The following LRBA variants were observed in gnomAD, a reference collection of about 807,000 sequenced individuals.
LRBA encodes LPS responsive beige-like anchor protein.
Under a neutral mutation model 330.0 loss-of-function variants are expected in LRBA, and 176 were observed. That is an observed-to-expected ratio of 0.53 (90% CI 0.47 to 0.60). LRBA has a LOEUF of 0.60. LRBA is among the 20% of genes least tolerant of loss of function. LRBA has a pLI of 0.00. For synonymous variants in LRBA, 1,230 were observed against 1,193.0 expected (o/e 1.03, Z -0.64); for missense variants, 3,259 against 3,444.8 (o/e 0.95, Z 1.35).
chr4:150,662,175 C>T (rs546100371), intron 37 of LRBA, among the ~76,000 whole-genome samples: 16 of 152,082 alleles, frequency 1.1e-4, no homozygotes, highest in African/African-American at 3.9e-4. Flanking sequence ...TTCACAGAGG[C>T]TAATATTAAC....
chr4:150,940,222 A>G (rs1472644636), intron 2 of LRBA, among the ~76,000 whole-genome samples: 1 of 142,894 alleles, frequency 7.0e-6, no homozygotes, highest in Non-Finnish European at 1.5e-5. Context: ...TGGGCAACAT[A>G]GCAAGACCTG....
chr4:150,476,399 A>T (rs1263056252), intron 42 of LRBA, among the ~76,000 whole-genome samples: 1 of 152,192 alleles, frequency 6.6e-6, no homozygotes, highest in Admixed American at 6.6e-5. Flanking sequence ...TGGCAGAGAC[A>T]TGGCAGAATG....
intron 49 of LRBA, among the ~76,000 whole-genome samples, chr4:150,322,639 T>C (rs1234544090): frequency 6.6e-6 from 1 of 152,222 alleles, no homozygotes; most frequent in Non-Finnish European, 1.5e-5. Flanking sequence ...TAGAAAAACA[T>C]ATTGCACTAA....
intron 44 of LRBA, among the ~76,000 whole-genome samples, chr4:150,460,386 A>T (rs999472192): frequency 1.3e-5 from 2 of 151,844 alleles, no homozygotes; most frequent in Non-Finnish European, 2.9e-5. Context: ...AAGCACAAAC[A>T]GGAGCAACTC....
At chr4:151,011,631 A>G (rs1416176828) in intron 2 of LRBA, among the ~76,000 whole-genome samples, 1 of 151,740 alleles carries the variant, frequency 6.6e-6, no homozygotes, top group Non-Finnish European at 1.5e-5. Flanking sequence ...CTAACTATCA[A>G]TTAGGAAATA....
intron 36 of LRBA, among the ~76,000 whole-genome samples, chr4:150,733,576 T>TCA (rs34846017): frequency 9.8e-4 from 142 of 145,472 alleles, no homozygotes; most frequent in African/African-American, 3.0e-3. Context: ...TCTCTCTCTC[T>TCA]CACACACACA....
At chr4:150,494,981 C>G (rs1383451857) in intron 40 of LRBA, among the ~76,000 whole-genome samples, 3 of 150,694 alleles carry the variant, frequency 2.0e-5, no homozygotes, top group Non-Finnish European at 1.5e-5. Flanking sequence ...GCCTGGGTGA[C>G]ACAGCGAGAC....
At chr4:150,802,843 C>T (rs1024097778) in intron 33 of LRBA, among the ~76,000 whole-genome samples, 6 of 151,550 alleles carry the variant, frequency 4.0e-5, no homozygotes, top group Admixed American at 6.6e-5. Flanking sequence ...GGCAATGTGG[C>T]GAAACCCCAT....
At chr4:150,916,584 G>T in intron 6 of LRBA, 33 bp downstream of exon 6, 1 of 1,604,398 alleles carries the variant, frequency 6.2e-7, no homozygotes, top group Non-Finnish European at 8.5e-7. Flanking sequence ...TCAAAGTAAG[G>T]TTTTAACACT....
chr4:150,282,960 G>A (rs1159420568), intron 54 of LRBA, among the ~76,000 whole-genome samples: 1 of 152,134 alleles, frequency 6.6e-6, no homozygotes, highest in Non-Finnish European at 1.5e-5. Flanking sequence ...TGAGAAACAG[G>A]ATAAGCTTCA....
At chr4:150,689,307 A>G (rs1380846343) in intron 36 of LRBA, among the ~76,000 whole-genome samples, 1 of 152,008 alleles carries the variant, frequency 6.6e-6, no homozygotes, top group Non-Finnish European at 1.5e-5. Context: ...CGGGGCCTGT[A>G]TGGGGATGGA....
At chr4:150,935,640 A>T (rs1263104900) in intron 2 of LRBA, among the ~76,000 whole-genome samples, 1 of 151,936 alleles carries the variant, frequency 6.6e-6, no homozygotes, top group Non-Finnish European at 1.5e-5. Context: ...GGAATTAAAT[A>T]TATGAAAAAA....
Position 150,608,083 on chromosome 4 carries a change from C to T in LRBA, c.5922-8952G>A, listed in dbSNP as rs145599014. Among the ~76,000 whole-genome samples the T allele has an allele frequency of 3.1e-3, 478 of 151,856 alleles. 1 individual carries two copies. Among genetic ancestry groups the T allele is most frequent in the Non-Finnish European group, 4.8e-3 (328 of 67,958 alleles). ...AAAATTAGCCAGGTGTGGTGGTGCACGCCTGTAGTCCCAGCTACTTGGGAA... is the reference window on the plus strand; with the variant it reads ...AAAATTAGCCAGGTGTGGTGGTGCATGCCTGTAGTCCCAGCTACTTGGGAA... On this transcript the variant is annotated intron_variant, in intron 37 of 56. Transcript: ENST00000651943.
chr4:150,889,782 A>C (rs1163670341), intron 17 of LRBA, among the ~76,000 whole-genome samples: 4 of 151,962 alleles, frequency 2.6e-5, no homozygotes, highest in Non-Finnish European at 5.9e-5. Flanking sequence ...CTCTGTTACA[A>C]CTCTTTGACT....
chr4:150,906,238 A>C (rs1731322838), intron 12 of LRBA, 59 bp downstream of exon 12: 2 of 1,083,640 alleles, frequency 1.8e-6, no homozygotes, highest in South Asian at 2.8e-5. Context: ...AGCCACTTAG[A>C]GAACAAATGT....
At chr4:150,457,194 T>G (rs1414729142) in intron 44 of LRBA, among the ~76,000 whole-genome samples, 1 of 152,132 alleles carries the variant, frequency 6.6e-6, no homozygotes, top group African/African-American at 2.4e-5. Context: ...AAATGATAAA[T>G]TTTGGATTCA....
chr4:150,485,360 T>C (rs1384430785), intron 42 of LRBA, among the ~76,000 whole-genome samples: 4 of 152,002 alleles, frequency 2.6e-5, no homozygotes, highest in African/African-American at 9.7e-5. Flanking sequence ...CTTTTTCCTC[T>C]GATAATATAA....
chr4:150,301,500 A>G (rs1041402649), intron 53 of LRBA, among the ~76,000 whole-genome samples: 1 of 152,144 alleles, frequency 6.6e-6, no homozygotes, highest in Non-Finnish European at 1.5e-5. Context: ...TTTACCTATC[A>G]CATCAAAGTC....
intron 2 of LRBA, among the ~76,000 whole-genome samples, chr4:151,003,106 AC>A (rs1404238118): frequency 6.6e-6 from 1 of 151,784 alleles, no homozygotes; most frequent in Non-Finnish European, 1.5e-5. Context: ...ATAGAAAAAA[AC>A]AATCCTGGTC....
Sources: allele counts gnomAD v4.1 joint callset (sites outside exome capture counted in the v4.1 genomes callset), GRCh38; gene constraint gnomAD v4.1.1; transcripts MANE v1.5; gene names NCBI Gene and HGNC (gene_info 2026-07-23, HGNC 2026-07-21).